Variants in NOVA1 observed in about 807,000 individuals in gnomAD.
The protein encoded by NOVA1 is NOVA alternative splicing regulator 1.
In NOVA1, 7 loss-of-function variants were observed where a neutral mutation model predicts 38.0. The ratio of observed to expected loss-of-function variants is 0.18; its 90% CI spans 0.10 to 0.35. The LOEUF (loss-of-function observed/expected upper bound fraction) is 0.35, where lower values mean the gene tolerates loss of function less well. Ranked by LOEUF, NOVA1 falls within the 10% of genes least tolerant of loss-of-function variation. NOVA1 has a pLI of 1.00. For missense variants in NOVA1, 460 were observed against 616.0 expected (o/e 0.75, Z 2.68); for synonymous variants, 270 against 232.5 (o/e 1.16, Z -1.47).
intron 4 of NOVA1, among the ~76,000 whole-genome samples, chr14:26,463,482 G>A (rs1021982379): frequency 3.3e-5 from 5 of 152,016 alleles, no homozygotes; most frequent in Non-Finnish European, 7.4e-5. Context: ...ATCTGTATTG[G>A]ACATTTCCAC....
intron 2 of NOVA1, among the ~76,000 whole-genome samples, chr14:26,583,920 C>T (rs897671716): frequency 4.4e-5 from 6 of 135,918 alleles, no homozygotes; most frequent in Non-Finnish European, 6.6e-5. Context: ...CACACACACA[C>T]ATATATTGTA....
At chr14:26,597,235 C>CGAGGGAGG in intron 1 of NOVA1, 66 bp downstream of exon 1, 1 of 858,044 alleles carries the variant, frequency 1.2e-6, no homozygotes, top group Admixed American at 1.2e-4. Flanking sequence ...GGGAGGACGG[C>CGAGGGAGG]GAGGGAGGGA....
chr14:26,462,526 A>C (rs879268578), intron 4 of NOVA1, among the ~76,000 whole-genome samples: 4 of 152,122 alleles, frequency 2.6e-5, no homozygotes, highest in African/African-American at 7.3e-5. Context: ...ATTAATTAAG[A>C]ATCTACATAG....
At chr14:26,477,713 A>C (rs2138281017) in intron 3 of NOVA1, among the ~76,000 whole-genome samples, 1 of 152,186 alleles carries the variant, frequency 6.6e-6, no homozygotes, top group South Asian at 2.1e-4. Flanking sequence ...AGGTCATTTA[A>C]ATTTATATAT....
chr14:26,514,271 CA>C (rs902918933), intron 2 of NOVA1, among the ~76,000 whole-genome samples: 1 of 151,482 alleles, frequency 6.6e-6, no homozygotes, highest in Non-Finnish European at 1.5e-5. Flanking sequence ...AAGCTTCAGA[CA>C]AAAAAATCAA....
At chr14:26,513,805 T>C (rs566205846) in intron 2 of NOVA1, among the ~76,000 whole-genome samples, 47 of 151,884 alleles carry the variant, frequency 3.1e-4, no homozygotes, top group Middle Eastern at 7.0e-3. Context: ...AACTTTAATT[T>C]CACCAGCTAT....
At chr14:26,516,906 C>CT (rs1179556122) in intron 2 of NOVA1, among the ~76,000 whole-genome samples, 40,887 of 135,366 alleles carry the variant, frequency 0.3, 7,821 homozygotes, top group African/African-American at 0.51. Flanking sequence ...GACTTTGCCT[C>CT]TTTTTTTTTT....
intron 2 of NOVA1, among the ~76,000 whole-genome samples, chr14:26,537,656 A>G (rs1742930137): frequency 6.6e-6 from 1 of 152,180 alleles, no homozygotes; most frequent in Non-Finnish European, 1.5e-5. Context: ...ATAGCCCCAT[A>G]CAGTACAGCA....
At chr14:26,561,099 T>C (rs1891792791) in intron 2 of NOVA1, among the ~76,000 whole-genome samples, 1 of 152,066 alleles carries the variant, frequency 6.6e-6, no homozygotes, top group African/African-American at 2.4e-5. Flanking sequence ...CATGATAGGG[T>C]TTCCGTCCTA....
chr14:26,488,133 C>T (rs1467391864), intron 2 of NOVA1, among the ~76,000 whole-genome samples: 2 of 152,126 alleles, frequency 1.3e-5, no homozygotes, highest in Non-Finnish European at 2.9e-5. Flanking sequence ...ATTAACTCTA[C>T]ACAATTATCT....
intron 4 of NOVA1, among the ~76,000 whole-genome samples, chr14:26,459,242 ATC>A (rs773266667): frequency 3.5e-4 from 53 of 152,208 alleles, no homozygotes; most frequent in Admixed American, 1.2e-3. Flanking sequence ...ATCATTTTTT[ATC>A]TTTTATTCTG....
At chr14:26,500,131 T>A (rs1318654351) in intron 2 of NOVA1, among the ~76,000 whole-genome samples, 3 of 152,064 alleles carry the variant, frequency 2.0e-5, no homozygotes, top group Non-Finnish European at 2.9e-5. Context: ...AGATTATGTG[T>A]TCTTTCTGTG....
intron 2 of NOVA1, among the ~76,000 whole-genome samples, chr14:26,540,100 TA>T (rs1006220216): frequency 2.0e-5 from 3 of 152,084 alleles, no homozygotes; most frequent in Non-Finnish European, 2.9e-5. Context: ...AAAAGAGACC[TA>T]AACAATTAAA....
chr14:26,545,703 AAC>A (rs1489919360), intron 2 of NOVA1, among the ~76,000 whole-genome samples: 1 of 152,090 alleles, frequency 6.6e-6, no homozygotes, highest in Non-Finnish European at 1.5e-5. Context: ...ATTCCCAATT[AAC>A]AGACTTAAAA....
chr14:26,550,859 T>A (rs1891117862), intron 2 of NOVA1, among the ~76,000 whole-genome samples: 1 of 152,108 alleles, frequency 6.6e-6, no homozygotes, highest in African/African-American at 2.4e-5. Flanking sequence ...TGATTTGGCA[T>A]ATACTCAGTG....
At chr14:26,454,856 A>C (rs1023154431) in intron 4 of NOVA1, among the ~76,000 whole-genome samples, 2 of 152,140 alleles carry the variant, frequency 1.3e-5, no homozygotes, top group African/African-American at 4.8e-5. Context: ...TTATTTTCCC[A>C]ATGTATTACA....
intron 2 of NOVA1, among the ~76,000 whole-genome samples, chr14:26,490,892 C>A (rs1001989200): frequency 6.9e-6 from 1 of 144,626 alleles, no homozygotes; most frequent in Non-Finnish European, 1.5e-5. Flanking sequence ...CTCTGTCGCC[C>A]AGGCTGGAGT....
At chr14:26,529,150 TC>T (rs1457486055) in intron 2 of NOVA1, among the ~76,000 whole-genome samples, 11 of 152,000 alleles carry the variant, frequency 7.2e-5, no homozygotes, top group Non-Finnish European at 1.6e-4. Flanking sequence ...TCCTTTTTTT[TC>T]TTTTTAGACA....
intron 2 of NOVA1, among the ~76,000 whole-genome samples, chr14:26,561,266 A>G (rs1228398256): frequency 6.6e-6 from 1 of 152,216 alleles, no homozygotes; most frequent in Non-Finnish European, 1.5e-5. Flanking sequence ...TTACTTGAAT[A>G]AGCTGAATAA....
Sources: gnomAD v4.1 joint callset for allele counts (sites outside exome capture counted in the v4.1 genomes callset) on GRCh38, gnomAD v4.1.1 for gene constraint, MANE v1.5 for transcripts, NCBI Gene and HGNC (gene_info 2026-07-23, HGNC 2026-07-21) for gene names.